The following SORD variants were observed in gnomAD, a reference collection of about 807,000 sequenced individuals.
The protein encoded by SORD is (R,R)-butanediol dehydrogenase.
A neutral mutation model predicts 35.6 loss-of-function variants in SORD; 18 were observed. The observed-to-expected ratio is 0.51, with a 90% confidence interval of 0.35 to 0.75. The LOEUF is 0.75. SORD is among the 30% of genes least tolerant of loss of function. The pLI, the probability that SORD is intolerant of heterozygous loss-of-function variation, is 0.01. For synonymous variants in SORD, 106 were observed against 152.9 expected (o/e 0.69, Z 2.26); for missense variants, 250 against 390.2 (o/e 0.64, Z 3.03).
chr15:45,037,458 C>CTATG (rs929311789), intron 1 of SORD, among the ~76,000 whole-genome samples: 1 of 152,172 alleles, frequency 6.6e-6, no homozygotes, highest in African/African-American at 2.4e-5. Context: ...GGAGGCAAGG[C>CTATG]TATGAATTGT....
intron 1 of SORD, among the ~76,000 whole-genome samples, chr15:45,030,304 G>C (rs1595494489): frequency 1.3e-5 from 2 of 152,202 alleles, no homozygotes; most frequent in East Asian, 3.8e-4. Context: ...GGAGACCCTA[G>C]AATTATGGAT....
intron 3 of SORD, among the ~76,000 whole-genome samples, chr15:45,048,377 G>A (rs964829933): frequency 2.0e-5 from 3 of 152,108 alleles, no homozygotes; most frequent in Admixed American, 6.5e-5. Flanking sequence ...CTAATCCTGA[G>A]GCATTCCCAT....
At chr15:45,067,895 A>G (rs1482868901) in intron 5 of SORD, among the ~76,000 whole-genome samples, 1 of 152,214 alleles carries the variant, frequency 6.6e-6, no homozygotes, top group Non-Finnish European at 1.5e-5. Context: ...TGGTTCTTTG[A>G]GATTATCTCC....
At position 45,023,344 on chromosome 15, in the gene SORD, C is replaced by A. The variant is rs765616136; in HGVS notation, c.61C>A (p.Arg21Ser). The A allele has an allele frequency of 1.9e-6, 3 of 1,575,946 alleles. No homozygotes were observed. In the East Asian group the frequency reaches 7.3e-5, roughly 38 times the overall value. Residue 21 changes from arginine (R) to serine (S), a missense_variant, in exon 1 of 9, where the codon CGC becomes AGC. By Grantham distance (110) the Arg-to-Ser change is moderately radical. Coordinates refer to ENST00000267814, the MANE Select transcript of SORD (RefSeq NM_003104.6). ...SLVVHGPGDL[R>S]LENYPIPEPG... ...GGTGGTGCACGGACCGGGGGACTTG[C>A]GCCTGGTAAGCTGGGAAGGAGGGTG...
rs529463452 is a variant in SORD, at chr15:45,049,366, G to A, written c.265+5945G>A. Among the ~76,000 whole-genome samples, 13 of 152,212 alleles carry A rather than the reference G, an allele frequency of 8.5e-5. No homozygotes were observed. In the South Asian group the frequency reaches 1.9e-3, roughly 22 times the overall value. On this transcript the variant is annotated intron_variant, in intron 3 of 8. Transcript: ENST00000267814. ...GACAGCAGCCAGGGTTCCTTCTGGG[G>A]CTTATCTAAGGGTCCTCAGAAGAAA...
At chr15:45,068,853 T>C (rs1358528499) in intron 6 of SORD, 24 bp from the exon 7 acceptor site, 1 of 1,228,012 alleles carries the variant, frequency 8.1e-7, no homozygotes, top group Non-Finnish European at 1.1e-6. Context: ...AAAGAATTTT[T>C]TTTTTTTTTT....
At chr15:45,043,553 C>G in intron 3 of SORD, 132 bp downstream of exon 3, 1 of 577,150 alleles carries the variant, frequency 1.7e-6, no homozygotes, top group South Asian at 2.1e-5. Flanking sequence ...TCACATGGAT[C>G]TTACCTTACA....
At chr15:45,063,013 G>A (rs1412869880) in intron 4 of SORD, among the ~76,000 whole-genome samples, 1 of 148,468 alleles carries the variant, frequency 6.7e-6, no homozygotes, top group African/African-American at 2.6e-5. Context: ...GCATGGAGGT[G>A]CAGGAGTAGG....
chr15:45,027,260 G>A (rs112805008), intron 1 of SORD, among the ~76,000 whole-genome samples: 30,708 of 149,840 alleles, frequency 0.2, no homozygotes, highest in African/African-American at 0.44. Flanking sequence ...AGCTTGCTGG[G>A]GTTCTCTCTA....
In SORD at chr15:45,072,451, T is replaced by C. The variant is rs184987620; in HGVS notation, c.908+13T>C. 518 of 626,048 alleles carry C rather than the reference T, an allele frequency of 8.3e-4. 61 individuals are homozygous for C. The highest frequency in any genetic ancestry group is 7.5e-3 in the African/African-American group (472 of 63,012). 38.8% of individuals were successfully genotyped at this position (626,048 alleles called of 1,614,324 possible). ...GATACTGCAACACGTGAGTATGCCG[T>C]GGGTGAGCCGGGATGCCCAGCCTCC... On this transcript the variant is annotated intron_variant, in intron 8 of 8. Transcript: ENST00000267814.
intron 1 of SORD, among the ~76,000 whole-genome samples, chr15:45,027,164 T>C (rs116217298): frequency 0.2 from 29,284 of 147,030 alleles, no homozygotes; most frequent in African/African-American, 0.44. Context: ...CGCTTTTCCC[T>C]TCATTTTGAA....
At chr15:45,065,168 A>G in intron 4 of SORD, 103 bp from the exon 5 acceptor site, 1 of 1,072,280 alleles carries the variant, frequency 9.3e-7, no homozygotes. Flanking sequence ...TGCTCGATAA[A>G]TGCTAGCTAT....
chr15:45,067,223 G>A (rs1383113491), intron 5 of SORD, among the ~76,000 whole-genome samples: 5 of 152,190 alleles, frequency 3.3e-5, no homozygotes, highest in African/African-American at 4.8e-5. Context: ...TTAGCCAGGC[G>A]TGGTGGTGGG....
chr15:45,073,177 C>G lies in SORD; in HGVS notation c.909-188C>G, dbSNP rs568498954. ...GGTGGGTGAGGGGTGGGGGCAATTGCAAATAGGCTCTGTACCCCTGAATCA... is the reference window on the plus strand; with the variant it reads ...GGTGGGTGAGGGGTGGGGGCAATTGGAAATAGGCTCTGTACCCCTGAATCA... On this transcript the variant is annotated intron_variant, in intron 8 of 8. Coordinates refer to ENST00000267814, the MANE Select transcript of SORD (RefSeq NM_003104.6). 0.06 allele frequency among the ~76,000 whole-genome samples: 6,234 copies of G among 103,424 alleles called. 675 individuals carry two copies. Among genetic ancestry groups the G allele is most frequent in the African/African-American group, 0.24 (3,694 of 15,690 alleles). The allele number at this position is 103,424 out of a possible 152,430, so 67.9% of individuals were successfully genotyped here.
rs564218081 is a variant in SORD, at chr15:45,053,824, G to A, written c.266-7243G>A. ...CCCACCCCACCACAGTCCCCAGAGT[G>A]TGATGTTCCCCTTCCTGTGTCCATG... On this transcript the variant is annotated intron_variant, in intron 3 of 8. Coordinates refer to ENST00000267814, the MANE Select transcript of SORD (RefSeq NM_003104.6). 6.9e-3 allele frequency among the ~76,000 whole-genome samples: 946 copies of A among 136,486 alleles called. 9 individuals carry two copies. The highest frequency in any genetic ancestry group is 0.025 in the African/African-American group (883 of 35,842). The allele number at this position is 136,486 out of a possible 152,430, so 89.5% of individuals were successfully genotyped here. A position where few individuals can be genotyped will look rare whatever the true frequency, so the allele number is the denominator to read the frequency against.
At position 45,073,498 on chromosome 15, in the gene SORD, C is replaced by A. The variant is rs147928721; in HGVS notation, c.1042C>A (p.Leu348Ile). 8.5e-3 allele frequency: 13,130 copies of A among 1,547,216 alleles called. 466 individuals carry two copies. The African/African-American group carries it at 0.11, about 13-fold the overall frequency. ...FKKGLGLKIMLKCDPSDQNP is the reference protein window; with the variant it reads ...FKKGLGLKIMIKCDPSDQNP ...AAAGGGATTGGGGTTGAAAATCATGCTCAAGTGTGACCCCAGTGACCAGAA... is the reference window on the plus strand; with the variant it reads ...AAAGGGATTGGGGTTGAAAATCATGATCAAGTGTGACCCCAGTGACCAGAA... The change falls in exon 9 of 9, where the codon CTC becomes ATC. Residue 348 changes from leucine to isoleucine, a missense_variant. Physicochemically the swap from Leu to Ile is conservative, Grantham distance 5. Coordinates refer to ENST00000267814, the MANE Select transcript of SORD (RefSeq NM_003104.6).
chr15:45,035,717 A>G (rs1892854502), intron 1 of SORD, among the ~76,000 whole-genome samples: 1 of 152,158 alleles, frequency 6.6e-6, no homozygotes, highest in East Asian at 1.9e-4. Context: ...CACTGCCTTT[A>G]TGAGCTGTAA....
At chr15:45,060,479 ACCAGAGT>A (rs1893284562) in intron 3 of SORD, among the ~76,000 whole-genome samples, 2 of 152,302 alleles carry the variant, frequency 1.3e-5, no homozygotes, top group Non-Finnish European at 1.5e-5. Context: ...TCTCTACTGT[ACCAGAGT>A]CCTCTGCAGG....
At position 45,061,192 on chromosome 15, in the gene SORD, C is replaced by T. The variant is rs771745351; in HGVS notation, c.391C>T (p.Arg131Trp). The change falls in exon 4 of 9, where the codon CGG (arginine) becomes TGG (tryptophan). Residue 131 changes from arginine to tryptophan, a missense_variant. Physicochemically the swap from Arg to Trp is moderately radical, Grantham distance 101. Around this residue, in one of 8 missense-constraint regions of SORD, gnomAD observed 126 missense variants for 148.7 expected, o/e 0.85. Coordinates refer to ENST00000267814, the MANE Select transcript of SORD (RefSeq NM_003104.6). ...ATPPDDGNLCRFYKHNAAFCY... is the reference protein window; with the variant it reads ...ATPPDDGNLCWFYKHNAAFCY... ...GCCCCCCGATGACGGGAACCTCTGC[C>T]GGTTCTATAAGCACAATGCAGCCTT... 2.5e-5 allele frequency: 40 copies of T among 1,614,066 alleles called. No homozygotes were observed. The highest frequency in any genetic ancestry group is 1.0e-4 in the Admixed American group (6 of 60,012).
Sources: gnomAD v4.1 joint callset for allele counts (sites outside exome capture counted in the v4.1 genomes callset) on GRCh38, gnomAD v4.1.1 for gene constraint, gnomAD v4.1.1 regional missense constraint, MANE v1.5 for transcripts, NCBI Gene and HGNC (gene_info 2026-07-23, HGNC 2026-07-21) for gene names.